The following ZNF431 variants were observed in gnomAD, a reference collection of about 807,000 sequenced individuals.
ZNF431 encodes the protein zinc finger protein 431.
In ZNF431, 34 loss-of-function variants were observed where a neutral mutation model predicts 57.0. The ratio of observed to expected loss-of-function variants is 0.60; its 90% CI spans 0.45 to 0.79. The LOEUF (loss-of-function observed/expected upper bound fraction) is 0.79, where lower values mean the gene tolerates loss of function less well. Among genes scored for constraint, ZNF431 ranks in the 30% least tolerant of loss-of-function variants. The probability of loss-of-function intolerance (pLI) is 0.00; values close to 1 mark genes in which losing one functional copy is unlikely to be tolerated. For synonymous variants in ZNF431, 207 were observed against 220.3 expected (o/e 0.94, Z 0.54); for missense variants, 607 against 667.1 (o/e 0.91, Z 0.99).
chr19:21,193,891 G>C lies in ZNF431; in HGVS notation c.*9857G>C, dbSNP rs933347500. 4 of 151,912 alleles carry C rather than the reference G, an allele frequency of 2.6e-5. No individual in the cohort carries two copies. The highest frequency in any genetic ancestry group is 9.7e-5 in the African/African-American group (4 of 41,294). The allele number at this position is 151,912 out of a possible 1,614,324, so 9.4% of individuals were successfully genotyped here. On this transcript the variant is annotated 3_prime_UTR_variant, in exon 5 of 5. Coordinates refer to ENST00000311048, the MANE Select transcript of ZNF431 (RefSeq NM_133473.4). Reference sequence around the variant, plus strand: ...GATGAAACATACCTCACAATAATAAGAGCCATCTATGACAAATCCTCAGCT... The same window carrying C: ...GATGAAACATACCTCACAATAATAACAGCCATCTATGACAAATCCTCAGCT...
Position 21,183,267 on chromosome 19 carries a change from G to A in ZNF431, c.964G>A (p.Gly322Ser). 2 of 1,614,048 alleles carry A rather than the reference G, an allele frequency of 1.2e-6. No homozygotes were observed. Among genetic ancestry groups the A allele is most frequent in the South Asian group, 1.1e-5 (1 of 91,080 alleles). Residue 322 changes from glycine (G) to serine (S), a missense_variant, in exon 5 of 5, where the codon GGC (glycine) becomes AGC (serine). Physicochemically the swap from Gly to Ser is moderately conservative, Grantham distance 56. Coordinates refer to ENST00000311048, the MANE Select transcript of ZNF431 (RefSeq NM_133473.4). ...GAAGCCCTACAAATGTGAAGAATGTGGCAAAGCTTTTAACCAGTCTTCAAC... is the reference window on the plus strand; with the variant it reads ...GAAGCCCTACAAATGTGAAGAATGTAGCAAAGCTTTTAACCAGTCTTCAAC... ...GEKPYKCEEC[G>S]KAFNQSSTLS...
At chr19:21,156,030 C>T (rs1970406819) in intron 2 of ZNF431, among the ~76,000 whole-genome samples, 1 of 152,172 alleles carries the variant, frequency 6.6e-6, no homozygotes, top group Non-Finnish European at 1.5e-5. Flanking sequence ...CCCACCCACA[C>T]CCAAATATGC....
intron 2 of ZNF431, among the ~76,000 whole-genome samples, chr19:21,147,680 G>A (rs1970139910): frequency 6.6e-6 from 1 of 151,740 alleles, no homozygotes; most frequent in Non-Finnish European, 1.5e-5. Flanking sequence ...TGTAACGATT[G>A]TGATTATTAA....
chr19:21,154,226 G>T (rs1019384505), intron 2 of ZNF431, among the ~76,000 whole-genome samples: 8 of 151,940 alleles, frequency 5.3e-5, no homozygotes, highest in Admixed American at 1.3e-4. Context: ...GTGTCCATGT[G>T]TTCTCATTGT....
Position 21,162,145 on chromosome 19 carries a change from TGTGTGTGTGTG to T in ZNF431, c.97-4189_97-4179del, listed in dbSNP as rs1204489145. Among the ~76,000 whole-genome samples, 42 of 125,354 alleles carry T rather than the reference TGTGTGTGTGTG, an allele frequency of 3.4e-4. No homozygotes were observed. In the East Asian group the frequency reaches 5.8e-3, roughly 17 times the overall value. 82.2% of individuals were successfully genotyped at this position (125,354 alleles called of 152,430 possible). A position where few individuals can be genotyped will look rare whatever the true frequency, so the allele number is the denominator to read the frequency against. On this transcript the variant is annotated intron_variant, in intron 2 of 4. Transcript: ENST00000311048. ...GTGCCTGTCACCACATCCAGCTAATTGTGTGTGTGTGTGTGTGTGTGTGTGTGTGTGTGTGT... is the reference window on the plus strand; with the variant it reads ...GTGCCTGTCACCACATCCAGCTAATTTGTGTGTGTGTGTGTGTGTGTGTGT...
In ZNF431 at chr19:21,143,657, A is replaced by G. The variant is rs1970003698; in HGVS notation, c.96+14A>G. On this transcript the variant is annotated intron_variant, in intron 2 of 4. Transcript: ENST00000311048. ...TATTTTGAAAAGGTAACCTCTTGAG[A>G]CATTAAAATTGTCTACGCCCAACCC... 6.2e-7 allele frequency: 1 copy of G among 1,602,560 alleles called. No individual in the cohort carries two copies. The highest frequency in any genetic ancestry group is 8.5e-7 in the Non-Finnish European group (1 of 1,170,278).
intron 2 of ZNF431, among the ~76,000 whole-genome samples, chr19:21,147,495 C>G (rs1445387487): frequency 1.4e-5 from 2 of 146,812 alleles, no homozygotes; most frequent in African/African-American, 5.0e-5. Flanking sequence ...GACTCCATCT[C>G]AAAAGAAAAA....
intron 2 of ZNF431, among the ~76,000 whole-genome samples, chr19:21,164,610 A>T (rs1970666916): frequency 1.3e-5 from 2 of 152,198 alleles, no homozygotes; most frequent in South Asian, 4.1e-4. Flanking sequence ...ATTTTATCTG[A>T]AAAGGATTTC....
rs1017723975 is a variant in ZNF431, at chr19:21,194,752, A to G, written c.*10718A>G. The G allele has an allele frequency of 1.3e-5, 2 of 152,192 alleles. No homozygotes were observed. Among genetic ancestry groups the G allele is most frequent in the East Asian group, 3.9e-4 (2 of 5,188 alleles). The allele number at this position is 152,192 out of a possible 1,614,324, so 9.4% of individuals were successfully genotyped here. On this transcript the variant is annotated 3_prime_UTR_variant, in exon 5 of 5. Transcript: ENST00000311048. ...GACCCACCATGCCTGGCCCAACCCC[A>G]TATTATTTCTGGTAACAAAGCACAG...
At chr19:21,165,119 A>G (rs1184562240) in intron 2 of ZNF431, among the ~76,000 whole-genome samples, 2 of 150,710 alleles carry the variant, frequency 1.3e-5, no homozygotes, top group East Asian at 3.9e-4. Flanking sequence ...ATGTTTTCCT[A>G]TGCACCAGAC....
intron 2 of ZNF431, chr19:21,150,045 G>A (rs1027226174): frequency 1.1e-4 from 68 of 606,026 alleles, no homozygotes; most frequent in African/African-American, 9.7e-4. Context: ...CGAAGGACAC[G>A]TGGTCTCTTA....
Position 21,183,137 on chromosome 19 carries a change from T to A in ZNF431, c.834T>A (p.His278Gln), listed in dbSNP as rs1971257381. ...AFKQSSTLTT[H>Q]KIIHTGEKPY... The stretch of plus-strand genomic sequence containing the variant: ...AGCAGTCCTCAACCCTTACTACACA[T>A]AAGATAATTCATACTGGGGAGAAAC... Residue 278 changes from histidine to glutamine, a missense_variant, in exon 5 of 5, where the codon CAT (histidine) becomes CAA (glutamine). Transcript: ENST00000311048. The A allele has an allele frequency of 6.2e-7, 1 of 1,613,774 alleles. No homozygotes were observed. Among genetic ancestry groups the A allele is most frequent in the Non-Finnish European group, 8.5e-7 (1 of 1,179,946 alleles).
chr19:21,157,481 T>G (rs1970449113), intron 2 of ZNF431, among the ~76,000 whole-genome samples: 1 of 152,182 alleles, frequency 6.6e-6, no homozygotes, highest in African/African-American at 2.4e-5. Context: ...TGCACATGCT[T>G]GTTAGCCACG....
intron 2 of ZNF431, among the ~76,000 whole-genome samples, chr19:21,158,434 A>G (rs570011848): frequency 1.3e-4 from 20 of 152,042 alleles, no homozygotes; most frequent in Non-Finnish European, 2.6e-4. Context: ...TCCTGACCTC[A>G]TGATCCGCCC....
chr19:21,171,955 C>T (rs966084566), intron 4 of ZNF431, among the ~76,000 whole-genome samples: 3 of 150,872 alleles, frequency 2.0e-5, no homozygotes, highest in Admixed American at 1.3e-4. Flanking sequence ...CTCCTGACCT[C>T]GTGATCCACC....
At chr19:21,159,680 C>A (rs1474930739) in intron 2 of ZNF431, among the ~76,000 whole-genome samples, 2 of 152,060 alleles carry the variant, frequency 1.3e-5, no homozygotes, top group African/African-American at 4.8e-5. Flanking sequence ...TGATGCTATT[C>A]TTATATAATG....
At chr19:21,162,531 C>G (rs1439485263) in intron 2 of ZNF431, among the ~76,000 whole-genome samples, 1 of 152,134 alleles carries the variant, frequency 6.6e-6, no homozygotes, top group African/African-American at 2.4e-5. Context: ...GTCTTGAACT[C>G]CTGACCTCAG....
chr19:21,147,692 G>C (rs1970140330), intron 2 of ZNF431, among the ~76,000 whole-genome samples: 1 of 151,766 alleles, frequency 6.6e-6, no homozygotes, highest in African/African-American at 2.4e-5. Context: ...GATTATTAAT[G>C]ATGTTTTACC....
In ZNF431 at chr19:21,182,789, T is replaced by A; in HGVS notation, c.486T>A (p.Asn162Lys). The A allele has an allele frequency of 6.2e-7, 1 of 1,614,016 alleles. No homozygotes were observed. The highest frequency in any genetic ancestry group is 1.1e-5 in the South Asian group (1 of 91,080). The stretch of plus-strand genomic sequence containing the variant: ...ATAAGGTGCACAAAGAAGGTTATAA[T>A]GAGCTAAACCAGTGTTTGACAACTA... ...DEYKVHKEGY[N>K]ELNQCLTTTQ... is the part of the protein sequence containing the mutation. The change falls in exon 5 of 5, where the codon AAT becomes AAA. Residue 162 changes from asparagine (N) to lysine (K), a missense_variant. Transcript: ENST00000311048.
Sources: allele counts gnomAD v4.1 joint callset (sites outside exome capture counted in the v4.1 genomes callset), GRCh38; gene constraint gnomAD v4.1.1; transcripts MANE v1.5; gene names NCBI Gene and HGNC (gene_info 2026-07-23, HGNC 2026-07-21).